BBX: variants seen among roughly 807,000 people sequenced by gnomAD.
BBX encodes BBX high mobility group box domain containing.
In BBX, 30 loss-of-function variants were observed where a neutral mutation model predicts 100.2. That is an observed-to-expected ratio of 0.30 (90% CI 0.22 to 0.41). The LOEUF is 0.41. BBX is among the 10% of genes least tolerant of loss of function. The pLI, the probability that BBX is intolerant of heterozygous loss-of-function variation, is 1.00. For missense variants in BBX, 1,023 were observed against 1,129.8 expected (o/e 0.91, Z 1.35); for synonymous variants, 376 against 388.1 (o/e 0.97, Z 0.37).
chr3:107,773,329 G>T lies in BBX; in HGVS notation c.1608G>T (p.Lys536Asn), dbSNP rs1354402788. 1.2e-6 allele frequency: 2 copies of T among 1,613,990 alleles called. No homozygotes were observed. The highest frequency in any genetic ancestry group is 1.7e-5 in the Admixed American group (1 of 59,978). ...AGAAAAAAGTGAAATCAAGAGAGAA[G>T]AAAATGTCAAAGGAGAAATCCTCAG... Reference protein sequence around the residue: ...PPKKKVKSREKKMSKEKSSDT... With the variant: ...PPKKKVKSRENKMSKEKSSDT... Residue 536 changes from lysine (K) to asparagine (N), a missense_variant, in exon 11 of 18, where the codon AAG becomes AAT. Lys to Asn is a moderately conservative substitution (Grantham distance 94). This residue lies in a region of BBX where 348 missense variants were observed against 353.2 expected (regional missense o/e 0.99). Coordinates refer to ENST00000325805, the MANE Select transcript of BBX (RefSeq NM_001142568.3). The surrounding 1 kb of genome is among the most constrained non-coding windows in gnomAD (Gnocchi z 4.1).
chr3:107,798,520 C>T lies in BBX; in HGVS notation c.2354-3C>T. On this transcript the variant is annotated splice_polypyrimidine_tract_variant and splice_region_variant and intron_variant, in intron 15 of 17. Transcript: ENST00000325805. ...TAACTATGCATGGTATTTCCTATTT[C>T]AGCCATATTTTCAGAAGACAGAAAC... 1.2e-6 allele frequency: 2 copies of T among 1,613,080 alleles called. No homozygotes were observed. Among genetic ancestry groups the T allele is most frequent in the Non-Finnish European group, 1.7e-6 (2 of 1,179,160 alleles).
rs529251028 is a variant in BBX at position 107,527,624 on chromosome 3, CTG to C, written c.-84+1228_-84+1229del. The stretch of plus-strand genomic sequence containing the variant: ...GAAAATCTAGAGAACTTTAGATAAT[CTG>C]TATATGTTTTGCATCGAACATTTTC... On this transcript the variant is annotated intron_variant, in intron 2 of 17. Coordinates refer to ENST00000325805, the MANE Select transcript of BBX (RefSeq NM_001142568.3). Among the ~76,000 whole-genome samples the C allele has an allele frequency of 1.2e-4, 18 of 152,222 alleles. No individual in the cohort carries two copies. In the East Asian group the frequency reaches 3.5e-3, roughly 29 times the overall value.
intron 13 of BBX, among the ~76,000 whole-genome samples, chr3:107,788,346 T>C (rs1236668974): frequency 6.6e-6 from 1 of 152,148 alleles, no homozygotes. Context: ...GCAGAGGGTG[T>C]GGCTCTAGTG....
At chr3:107,740,690 T>G (rs2064022414) in intron 7 of BBX, among the ~76,000 whole-genome samples, 1 of 152,116 alleles carries the variant, frequency 6.6e-6, no homozygotes, top group South Asian at 2.1e-4. Flanking sequence ...TCAAACACAC[T>G]GTGTTCTTAC....
chr3:107,728,629 C>T, intron 5 of BBX, 136 bp from the exon 6 acceptor site: 1 of 711,790 alleles, frequency 1.4e-6, no homozygotes, highest in South Asian at 1.9e-5. Context: ...TGTCATTCTT[C>T]TACAAGGAGA....
intron 3 of BBX, among the ~76,000 whole-genome samples, chr3:107,683,243 T>C (rs1474466990): frequency 6.6e-6 from 1 of 152,132 alleles, no homozygotes; most frequent in African/African-American, 2.4e-5. Flanking sequence ...CTGCCCTTGT[T>C]AGAGGTCCCC....
At chr3:107,752,660 C>T (rs1299610767) in intron 9 of BBX, among the ~76,000 whole-genome samples, 3 of 152,076 alleles carry the variant, frequency 2.0e-5, no homozygotes, top group Non-Finnish European at 4.4e-5. Context: ...ACTGTTGCAC[C>T]CACCCTGTAG....
intron 3 of BBX, among the ~76,000 whole-genome samples, chr3:107,696,394 T>C: frequency 6.6e-6 from 1 of 151,638 alleles, no homozygotes; most frequent in Non-Finnish European, 1.5e-5. Context: ...GCAGGCCTGG[T>C]GGTGACAAAA....
Position 107,807,748 on chromosome 3 carries a change from C to G in BBX, c.*2291C>G, listed in dbSNP as rs930173714. ...AGCAAAACAAAAGATTACTTTTTTT[C>G]TATGTGATTAATATCTTACTTGATC... On this transcript the variant is annotated 3_prime_UTR_variant, in exon 18 of 18. Coordinates refer to ENST00000325805, the MANE Select transcript of BBX (RefSeq NM_001142568.3). The G allele has an allele frequency of 6.8e-6, 1 of 148,016 alleles. No homozygotes were observed. Among genetic ancestry groups the G allele is most frequent in the Non-Finnish European group, 1.5e-5 (1 of 67,044 alleles). The allele number at this position is 148,016 out of a possible 1,614,324, so 9.2% of individuals were successfully genotyped here.
chr3:107,523,541 A>G (rs2047518430), intron 1 of BBX: 1 of 152,466 alleles, frequency 6.6e-6, no homozygotes, highest in Admixed American at 6.5e-5. Flanking sequence ...TGAGAGGGGC[A>G]CGGGCGCCGG....
At chr3:107,795,539 G>A (rs2069538531) in intron 15 of BBX, among the ~76,000 whole-genome samples, 1 of 147,892 alleles carries the variant, frequency 6.8e-6, no homozygotes, top group African/African-American at 2.5e-5. Context: ...TGATGTAATA[G>A]TAGGTTTAGA....
intron 3 of BBX, among the ~76,000 whole-genome samples, chr3:107,703,101 T>C (rs908133687): frequency 2.0e-5 from 3 of 152,228 alleles, no homozygotes; most frequent in Non-Finnish European, 2.9e-5. Flanking sequence ...GTCAATGTGA[T>C]CATTATGTCC....
In BBX at chr3:107,652,929, A is replaced by G. The variant is rs572555732; in HGVS notation, c.-10+7020A>G. Among the ~76,000 whole-genome samples the G allele has an allele frequency of 3.9e-5, 6 of 152,324 alleles. No individual in the cohort carries two copies. The East Asian group carries it at 1.2e-3, about 29-fold the overall frequency. On this transcript the variant is annotated intron_variant, in intron 3 of 17. Coordinates refer to ENST00000325805, the MANE Select transcript of BBX (RefSeq NM_001142568.3). ...AGGACTTGTTTATGCTAGAAAGTTT[A>G]CTAGAAAGTCTATTTTGTGCATGTC...
chr3:107,583,524 C>T (rs1196169986), intron 2 of BBX, among the ~76,000 whole-genome samples: 1 of 151,642 alleles, frequency 6.6e-6, no homozygotes, highest in Non-Finnish European at 1.5e-5. Flanking sequence ...TATTTTGATA[C>T]ATGTATATAG....
rs1162983992 is a variant in BBX at position 107,733,009 on chromosome 3, C to T, written c.655C>T (p.Leu219Phe). Residue 219 changes from leucine (L) to phenylalanine (F), a missense_variant, in exon 7 of 18, where the codon CTT (leucine) becomes TTT (phenylalanine). Physicochemically the swap from Leu to Phe is conservative, Grantham distance 22. This residue lies in a region of BBX where 95 missense variants were observed against 95.1 expected (regional missense o/e 1.00). Transcript: ENST00000325805. The part of the protein sequence containing the change: ...SMLLLAGEHA[L>F]GTPEVSSGTC... ...GCTGCTGTTAGCTGGAGAACATGCT[C>T]TTGGCACACCAGAGGTAAGCCAGTC... 2 of 1,613,046 alleles carry T rather than the reference C, an allele frequency of 1.2e-6. No individual in the cohort carries two copies. The highest frequency in any genetic ancestry group is 1.7e-6 in the Non-Finnish European group (2 of 1,179,500).
intron 8 of BBX, among the ~76,000 whole-genome samples, chr3:107,746,100 G>A (rs1301211049): frequency 6.6e-6 from 1 of 152,066 alleles, no homozygotes; most frequent in African/African-American, 2.4e-5. Flanking sequence ...AAATTGGATG[G>A]ATTGTAACAC....
At chr3:107,784,342 A>G (rs2068203826) in intron 13 of BBX, among the ~76,000 whole-genome samples, 1 of 151,986 alleles carries the variant, frequency 6.6e-6, no homozygotes, top group Admixed American at 6.6e-5. Flanking sequence ...CCACTCAGTA[A>G]TGGCAGAATG....
intron 16 of BBX, 78 bp from the exon 17 acceptor site, chr3:107,801,017 C>T (rs2070393163): frequency 7.3e-7 from 1 of 1,375,656 alleles, no homozygotes; most frequent in Admixed American, 2.1e-5. Flanking sequence ...TTCATGTTGA[C>T]TGGCACAGCG....
intron 3 of BBX, among the ~76,000 whole-genome samples, chr3:107,682,156 A>G (rs866136659): frequency 1.3e-4 from 20 of 152,210 alleles, no homozygotes; most frequent in African/African-American, 4.6e-4. Context: ...TGTTAGGAAC[A>G]TGGGTAGGGT....
Sources: gnomAD v4.1 joint callset for allele counts (sites outside exome capture counted in the v4.1 genomes callset) on GRCh38, gnomAD v4.1.1 for gene constraint, gnomAD v4.1.1 regional missense constraint, Gnocchi (gnomAD v3.1) non-coding constraint, MANE v1.5 for transcripts, NCBI Gene and HGNC (gene_info 2026-07-23, HGNC 2026-07-21) for gene names.